EFNA5: variants seen among roughly 807,000 people sequenced by gnomAD.
EFNA5 encodes the protein ephrin A5.
EFNA5 carries 5 observed loss-of-function variants against 22.9 expected under a neutral mutation model. That is an observed-to-expected ratio of 0.22 (90% CI 0.11 to 0.46). The LOEUF (loss-of-function observed/expected upper bound fraction) is 0.46. Among genes scored for constraint, EFNA5 ranks in the 20% least tolerant of loss-of-function variants. The probability of loss-of-function intolerance (pLI) is 0.99; values close to 1 mark genes in which losing one functional copy is unlikely to be tolerated. For missense variants in EFNA5, 237 were observed against 293.3 expected, an observed-to-expected ratio of 0.81 and a Z score of 1.40; for synonymous variants, 113 against 112.2, an observed-to-expected ratio of 1.01 and a Z score of -0.04.
chr5:107,522,988 T>C (rs1468140064), intron 1 of EFNA5, among the ~76,000 whole-genome samples: 1 of 152,224 alleles, frequency 6.6e-6, no homozygotes, highest in East Asian at 1.9e-4. Context: ...TAAAGACTAT[T>C]TAATTTCCAC....
chr5:107,450,768 G>A (rs1749539739), intron 1 of EFNA5, among the ~76,000 whole-genome samples: 1 of 152,172 alleles, frequency 6.6e-6, no homozygotes. Context: ...GTATTGTTGA[G>A]GTCAGTCAGA....
intron 1 of EFNA5, among the ~76,000 whole-genome samples, chr5:107,669,924 A>C (rs1016864730): frequency 6.6e-6 from 1 of 151,688 alleles, no homozygotes; most frequent in Non-Finnish European, 1.5e-5. Context: ...TCGCAGTTGA[A>C]GAGGAAAATA....
At chr5:107,575,217 A>C (rs1414543492) in intron 1 of EFNA5, among the ~76,000 whole-genome samples, 1 of 152,220 alleles carries the variant, frequency 6.6e-6, no homozygotes, top group Non-Finnish European at 1.5e-5. Context: ...AAATTATTCC[A>C]CCAACAGATA....
At chr5:107,638,003 C>A (rs554483684) in intron 1 of EFNA5, among the ~76,000 whole-genome samples, 1 of 142,320 alleles carries the variant, frequency 7.0e-6, no homozygotes, top group African/African-American at 2.5e-5. Flanking sequence ...CCTGCCACCA[C>A]GCCTGGCTAA....
At chr5:107,522,376 C>G (rs1266498405) in intron 1 of EFNA5, among the ~76,000 whole-genome samples, 2 of 152,078 alleles carry the variant, frequency 1.3e-5, no homozygotes, top group Non-Finnish European at 2.9e-5. Flanking sequence ...TCTCCTGGCT[C>G]TTTCTCACTC....
At chr5:107,613,682 G>A (rs1316877542) in intron 1 of EFNA5, among the ~76,000 whole-genome samples, 1 of 152,094 alleles carries the variant, frequency 6.6e-6, no homozygotes, top group Non-Finnish European at 1.5e-5. Flanking sequence ...CCCAATAAGA[G>A]ATTCCTGAAT....
chr5:107,609,794 C>G (rs1285880585), intron 1 of EFNA5, among the ~76,000 whole-genome samples: 8 of 152,304 alleles, frequency 5.3e-5, no homozygotes, highest in African/African-American at 1.7e-4. Context: ...CTCCAGCCAC[C>G]GTGCCCCTGC....
chr5:107,646,478 A>G (rs1038280573), intron 1 of EFNA5, among the ~76,000 whole-genome samples: 21 of 152,202 alleles, frequency 1.4e-4, no homozygotes, highest in African/African-American at 4.3e-4. Context: ...AAAGAAACCA[A>G]GTAGATTATA....
intron 1 of EFNA5, among the ~76,000 whole-genome samples, chr5:107,661,915 C>A (rs1441343514): frequency 1.3e-5 from 2 of 152,234 alleles, no homozygotes; most frequent in East Asian, 3.9e-4. Flanking sequence ...CACAACACTG[C>A]CTGTTTCATA....
intron 1 of EFNA5, among the ~76,000 whole-genome samples, chr5:107,636,703 A>C (rs1750379309): frequency 6.6e-6 from 1 of 152,236 alleles, no homozygotes. Flanking sequence ...CAGATGGCAT[A>C]AGCCACGTAT....
At chr5:107,600,922 A>C (rs1250441777) in intron 1 of EFNA5, among the ~76,000 whole-genome samples, 1 of 152,238 alleles carries the variant, frequency 6.6e-6, no homozygotes, top group East Asian at 1.9e-4. Flanking sequence ...ATTAAGATAC[A>C]GAAAAGCCCA....
intron 4 of EFNA5, among the ~76,000 whole-genome samples, chr5:107,386,208 G>A (rs141071370): frequency 2.5e-3 from 361 of 147,160 alleles, no homozygotes; most frequent in African/African-American, 8.3e-3. Flanking sequence ...ATCTCTCCAT[G>A]AAGAGGAAAT....
intron 1 of EFNA5, 142 bp from the exon 2 acceptor site, chr5:107,427,651 C>A (rs2112421534): frequency 2.8e-6 from 2 of 708,556 alleles, no homozygotes; most frequent in Non-Finnish European, 4.2e-6. Flanking sequence ...TGATTTGGGG[C>A]ATGGTTTGAA....
In EFNA5 at chr5:107,670,689, C is replaced by A; in HGVS notation, c.-76G>T. On this transcript the variant is annotated 5_prime_UTR_variant, in exon 1 of 5. Transcript: ENST00000333274. ...GGGGATCCGGAGGGAGGGAGGCAGG[C>A]AAAGGGACAGAGAGAGAGCGGGCGC... 1.3e-6 allele frequency: 2 copies of A among 1,550,028 alleles called. No individual in the cohort carries two copies. The highest frequency in any genetic ancestry group is 1.7e-6 in the Non-Finnish European group (2 of 1,148,580).
chr5:107,380,723 T>A lies in EFNA5; in HGVS notation c.*532A>T, dbSNP rs555186045. 2.6e-4 allele frequency: 105 copies of A among 398,700 alleles called. No homozygotes were observed. The highest frequency in any genetic ancestry group is 4.3e-4 in the Non-Finnish European group (97 of 226,298). The allele number at this position is 398,700 out of a possible 1,614,324, so 24.7% of individuals were successfully genotyped here. On this transcript the variant is annotated 3_prime_UTR_variant, in exon 5 of 5. Transcript: ENST00000333274. ...TACTCCTATAGGAAATGGTGTAATA[T>A]CGTATCTATTCTTAATACCTCCCCT...
intron 4 of EFNA5, among the ~76,000 whole-genome samples, chr5:107,383,476 C>T (rs1307831044): frequency 6.6e-6 from 1 of 152,290 alleles, no homozygotes; most frequent in South Asian, 2.1e-4. Flanking sequence ...TTCTTAAGAG[C>T]ACCAATATGT....
At chr5:107,598,821 T>G (rs1157242184) in intron 1 of EFNA5, among the ~76,000 whole-genome samples, 1 of 152,234 alleles carries the variant, frequency 6.6e-6, no homozygotes, top group Non-Finnish European at 1.5e-5. Context: ...GAAATTTTAA[T>G]ATTTCACTGT....
chr5:107,459,670 C>T (rs1161956338), intron 1 of EFNA5, among the ~76,000 whole-genome samples: 2 of 152,230 alleles, frequency 1.3e-5, no homozygotes, highest in East Asian at 3.9e-4. Flanking sequence ...TTGAGAGTTT[C>T]TTCCTCTGCT....
intron 1 of EFNA5, among the ~76,000 whole-genome samples, chr5:107,533,081 A>G (rs1561424330): frequency 6.6e-6 from 1 of 152,008 alleles, no homozygotes; most frequent in African/African-American, 2.4e-5. Context: ...CCTGTATTGG[A>G]TGCCTTATAC....
Sources: allele counts gnomAD v4.1 joint callset (sites outside exome capture counted in the v4.1 genomes callset), GRCh38; gene constraint gnomAD v4.1.1; transcripts MANE v1.5; gene names NCBI Gene and HGNC (gene_info 2026-07-23, HGNC 2026-07-21).